The following SOX6 variants were observed in gnomAD, a reference collection of about 807,000 sequenced individuals.
SOX6 encodes the protein SRY-box transcription factor 6.
SOX6 carries 11 observed loss-of-function variants against 97.8 expected under a neutral mutation model. The observed-to-expected ratio is 0.11, with a 90% confidence interval of 0.07 to 0.19. SOX6 has a LOEUF of 0.19. Ranked by LOEUF, SOX6 falls within the 10% of genes least tolerant of loss-of-function variation. SOX6 has a pLI of 1.00. For missense variants in SOX6, 810 were observed against 1,039.5 expected (o/e 0.78, Z 3.04); for synonymous variants, 360 against 371.4 (o/e 0.97, Z 0.35).
In SOX6 at chr11:16,499,543, C is replaced by T. The variant is rs912118390; in HGVS notation, n.610-23155G>A. On this transcript the variant is annotated intron_variant and non_coding_transcript_variant, in intron 4 of 5. Transcript: ENST00000524520. ...GGAGCTGGTTTTTTGAAAAGATCAACGAAATTGATAAACTGTTAGCAAGAC... is the reference window on the plus strand; with the variant it reads ...GGAGCTGGTTTTTTGAAAAGATCAATGAAATTGATAAACTGTTAGCAAGAC... 1.1e-4 allele frequency among the ~76,000 whole-genome samples: 17 copies of T among 151,954 alleles called. No individual in the cohort carries two copies. In the South Asian group the frequency reaches 2.3e-3, roughly 20 times the overall value.
intron 1 of SOX6, among the ~76,000 whole-genome samples, chr11:16,416,625 C>G (rs1858931166): frequency 6.6e-6 from 1 of 152,176 alleles, no homozygotes; most frequent in African/African-American, 2.4e-5. Flanking sequence ...ATCCACGACA[C>G]TAAATCATTC....
chr11:16,002,151 A>G (rs772673699), intron 13 of SOX6, among the ~76,000 whole-genome samples: 1 of 152,200 alleles, frequency 6.6e-6, no homozygotes, highest in Non-Finnish European at 1.5e-5. Flanking sequence ...CAGCTTAAAC[A>G]AACACACGAC....
intron 6 of SOX6, among the ~76,000 whole-genome samples, chr11:16,159,122 G>A (rs1033223044): frequency 3.3e-5 from 5 of 152,126 alleles, no homozygotes; most frequent in Admixed American, 3.3e-4. Context: ...ACACTTTTAA[G>A]AGAATACTAT....
At chr11:16,525,960 C>T (rs956960235) in intron 4 of SOX6, among the ~76,000 whole-genome samples, 7 of 152,104 alleles carry the variant, frequency 4.6e-5, no homozygotes, top group African/African-American at 7.2e-5. Context: ...GTTAGAGTGG[C>T]GATCATTAAA....
chr11:16,298,169 C>T (rs919986341), intron 3 of SOX6, among the ~76,000 whole-genome samples: 2 of 151,966 alleles, frequency 1.3e-5, no homozygotes, highest in Non-Finnish European at 2.9e-5. Context: ...TCCATTTATT[C>T]GTTTGGCATT....
At chr11:16,163,501 T>G (rs953224184) in intron 6 of SOX6, among the ~76,000 whole-genome samples, 2 of 152,214 alleles carry the variant, frequency 1.3e-5, no homozygotes, top group Non-Finnish European at 2.9e-5. Context: ...TAGGTAGCAT[T>G]CATCAAACAA....
intron 4 of SOX6, among the ~76,000 whole-genome samples, chr11:16,201,202 A>G (rs1004404588): frequency 1.3e-5 from 2 of 152,166 alleles, no homozygotes; most frequent in Non-Finnish European, 2.9e-5. Context: ...TTTTAAATGA[A>G]AGGAGGTGCT....
At chr11:16,728,177 C>T (rs1242960897) in intron 2 of SOX6, among the ~76,000 whole-genome samples, 6 of 152,194 alleles carry the variant, frequency 3.9e-5, no homozygotes, top group African/African-American at 1.2e-4. Context: ...CAGACTTAAA[C>T]GTTCCTGCCT....
At chr11:16,510,766 C>T (rs1338916826) in intron 4 of SOX6, among the ~76,000 whole-genome samples, 1 of 151,990 alleles carries the variant, frequency 6.6e-6, no homozygotes, top group Non-Finnish European at 1.5e-5. Flanking sequence ...TATGTACATC[C>T]TGGAGATTGG....
chr11:16,068,201 T>C (rs1848138700), intron 9 of SOX6, among the ~76,000 whole-genome samples: 1 of 152,168 alleles, frequency 6.6e-6, no homozygotes. Flanking sequence ...TCTCCAGGGA[T>C]ATCCTGGATT....
intron 3 of SOX6, among the ~76,000 whole-genome samples, chr11:16,637,523 A>C (rs1225459415): frequency 6.6e-6 from 1 of 152,166 alleles, no homozygotes; most frequent in Admixed American, 6.5e-5. Flanking sequence ...CCAGCTTTTC[A>C]ATAGTTTCAA....
chr11:16,629,727 CT>C (rs1337083980), intron 3 of SOX6, among the ~76,000 whole-genome samples: 1 of 151,822 alleles, frequency 6.6e-6, no homozygotes, highest in Non-Finnish European at 1.5e-5. Context: ...CCAGCTGAGG[CT>C]TTTTGTTTTT....
intron 6 of SOX6, among the ~76,000 whole-genome samples, chr11:16,119,844 G>A (rs962419078): frequency 6.6e-6 from 1 of 152,120 alleles, no homozygotes; most frequent in Non-Finnish European, 1.5e-5. Context: ...ATCTGTGGCT[G>A]CTACAGCTAA....
At chr11:16,037,543 A>T (rs1855550789) in intron 12 of SOX6, among the ~76,000 whole-genome samples, 2 of 152,216 alleles carry the variant, frequency 1.3e-5, no homozygotes, top group African/African-American at 4.8e-5. Context: ...TTAAATGCAT[A>T]ATCCTGAGTA....
chr11:16,325,902 G>A (rs373435635), intron 2 of SOX6, among the ~76,000 whole-genome samples: 4 of 152,020 alleles, frequency 2.6e-5, no homozygotes, highest in Admixed American at 2.0e-4. Context: ...CCACCCTTCC[G>A]CCATGTGAGG....
intron 4 of SOX6, among the ~76,000 whole-genome samples, chr11:16,214,845 G>A (rs369905226): frequency 1.3e-5 from 2 of 151,166 alleles, no homozygotes; most frequent in South Asian, 2.1e-4. Context: ...CGCCCCCTGG[G>A]TTCAAGCAAT....
chr11:16,240,917 C>A (rs1228780790), intron 3 of SOX6, among the ~76,000 whole-genome samples: 1 of 151,930 alleles, frequency 6.6e-6, no homozygotes, highest in East Asian at 1.9e-4. Context: ...ATTATTTGAA[C>A]ATAGGTTTGA....
intron 6 of SOX6, among the ~76,000 whole-genome samples, chr11:16,120,973 A>G (rs996442866): frequency 6.6e-6 from 1 of 152,086 alleles, no homozygotes; most frequent in Non-Finnish European, 1.5e-5. Flanking sequence ...CTTCAGGTAT[A>G]TATTCTGAGA....
At chr11:16,164,542 G>C (rs1564992863) in intron 6 of SOX6, among the ~76,000 whole-genome samples, 1 of 152,098 alleles carries the variant, frequency 6.6e-6, no homozygotes, top group Non-Finnish European at 1.5e-5. Flanking sequence ...TCATGGAGAG[G>C]GCCGGGCACA....
Sources: gnomAD v4.1 joint callset for allele counts (sites outside exome capture counted in the v4.1 genomes callset) on GRCh38, gnomAD v4.1.1 for gene constraint, MANE v1.5 for transcripts, NCBI Gene and HGNC (gene_info 2026-07-23, HGNC 2026-07-21) for gene names.